Variants in ANO5 observed in about 807,000 individuals in gnomAD.
ANO5 encodes anoctamin-5.
Under a neutral mutation model 121.0 loss-of-function variants are expected in ANO5, and 109 were observed. The ratio of observed to expected loss-of-function variants is 0.90; its 90% CI spans 0.77 to 1.06. The LOEUF (loss-of-function observed/expected upper bound fraction) is 1.06. Ranked by LOEUF, ANO5 falls within the 50% of genes least tolerant of loss-of-function variation. The pLI is 0.00. For synonymous variants in ANO5, 406 were observed against 359.9 expected (o/e 1.13, Z -1.45); for missense variants, 1,064 against 1,078.5 (o/e 0.99, Z 0.19).
chr11:22,229,829 T>C (rs1852979700), intron 7 of ANO5, among the ~76,000 whole-genome samples: 2 of 152,086 alleles, frequency 1.3e-5, no homozygotes, highest in South Asian at 4.1e-4. Flanking sequence ...ACATTGTTCT[T>C]GCTTTATTGA....
intron 8 of ANO5, among the ~76,000 whole-genome samples, chr11:22,236,699 T>C (rs1358287567): frequency 6.6e-6 from 1 of 152,204 alleles, no homozygotes; most frequent in East Asian, 1.9e-4. Context: ...GCTTCAATTA[T>C]ATGTAAAGCA....
chr11:22,227,048 C>A (rs573054687), intron 6 of ANO5, among the ~76,000 whole-genome samples: 2 of 152,188 alleles, frequency 1.3e-5, no homozygotes, highest in East Asian at 1.9e-4. Flanking sequence ...TAGTCTTTCT[C>A]TGCATGTGTC....
At chr11:22,264,888 A>C (rs1470267721) in intron 17 of ANO5, among the ~76,000 whole-genome samples, 1 of 152,170 alleles carries the variant, frequency 6.6e-6, no homozygotes, top group Non-Finnish European at 1.5e-5. Flanking sequence ...AGTGAATTGG[A>C]AAATAATAGT....
In ANO5 at chr11:22,282,035, G is replaced by A. The variant is rs1404648286; in HGVS notation, c.*2270G>A. 1 of 152,052 alleles carries A rather than the reference G, an allele frequency of 6.6e-6. No homozygotes were observed. Among genetic ancestry groups the A allele is most frequent in the African/African-American group, 2.4e-5 (1 of 41,414 alleles). The allele number at this position is 152,052 out of a possible 1,614,324, so 9.4% of individuals were successfully genotyped here. A position where few individuals can be genotyped will look rare whatever the true frequency, so the allele number is the denominator to read the frequency against. On this transcript the variant is annotated 3_prime_UTR_variant, in exon 22 of 22. Transcript: ENST00000324559. ...GAAACCATGCTAACCAAAATCAGTA[G>A]CCAAACCAATTCAGATAGATGTGTC...
At chr11:22,244,110 T>A (rs1005087720) in intron 9 of ANO5, among the ~76,000 whole-genome samples, 2 of 152,074 alleles carry the variant, frequency 1.3e-5, no homozygotes, top group African/African-American at 4.8e-5. Flanking sequence ...TGGTAAAAAA[T>A]TATCTCAGAA....
intron 6 of ANO5, among the ~76,000 whole-genome samples, chr11:22,227,070 C>G (rs1199242999): frequency 6.6e-6 from 1 of 152,048 alleles, no homozygotes; most frequent in Non-Finnish European, 1.5e-5. Flanking sequence ...TTGTATGTCT[C>G]TCTTTCTGTC....
At chr11:22,265,484 A>T (rs1289789202) in intron 17 of ANO5, among the ~76,000 whole-genome samples, 3 of 152,158 alleles carry the variant, frequency 2.0e-5, no homozygotes, top group African/African-American at 7.2e-5. Context: ...TCACAAAGTG[A>T]AAGTACAGGA....
At chr11:22,268,144 T>G (rs974729240) in intron 17 of ANO5, among the ~76,000 whole-genome samples, 1 of 152,232 alleles carries the variant, frequency 6.6e-6, no homozygotes, top group Admixed American at 6.5e-5. Flanking sequence ...TCTGTAGAAC[T>G]GTCTTGGCTA....
intron 14 of ANO5, among the ~76,000 whole-genome samples, chr11:22,258,626 G>A (rs534664051): frequency 2.0e-5 from 3 of 152,210 alleles, no homozygotes; most frequent in South Asian, 2.1e-4. Context: ...GCATATTAGC[G>A]CACTAATGGC....
chr11:22,199,551 A>T (rs956489826), intron 1 of ANO5, among the ~76,000 whole-genome samples: 1 of 152,150 alleles, frequency 6.6e-6, no homozygotes. Context: ...ATTAAAGGAC[A>T]TCTTCTCAAA....
At chr11:22,222,843 T>C (rs1852698880) in intron 5 of ANO5, among the ~76,000 whole-genome samples, 1 of 152,000 alleles carries the variant, frequency 6.6e-6, no homozygotes, top group African/African-American at 2.4e-5. Flanking sequence ...GTGGCAATCA[T>C]ACTTTCCTTC....
intron 18 of ANO5, among the ~76,000 whole-genome samples, chr11:22,270,795 T>A (rs1386171502): frequency 6.6e-6 from 1 of 152,106 alleles, no homozygotes; most frequent in Non-Finnish European, 1.5e-5. Flanking sequence ...AGCTCAAAGA[T>A]AGAATAAGTA....
At chr11:22,245,789 A>T (rs567713439) in intron 9 of ANO5, among the ~76,000 whole-genome samples, 2 of 152,264 alleles carry the variant, frequency 1.3e-5, no homozygotes, top group East Asian at 3.9e-4. Flanking sequence ...GCAGTGTTAA[A>T]AATGTCATTT....
chr11:22,269,577 AAGAAAGAAAG>A (rs937559028), intron 17 of ANO5, among the ~76,000 whole-genome samples: 2 of 147,366 alleles, frequency 1.4e-5, no homozygotes, highest in Non-Finnish European at 3.0e-5. Flanking sequence ...GAAAGAAAAA[AAGAAAGAAAG>A]AGAAAGAAAG....
intron 1 of ANO5, among the ~76,000 whole-genome samples, chr11:22,201,123 T>C (rs767535874): frequency 3.3e-5 from 5 of 152,214 alleles, no homozygotes; most frequent in Non-Finnish European, 7.3e-5. Context: ...TTGTTATACC[T>C]CTTTGCACAG....
At position 22,282,559 on chromosome 11, in the gene ANO5, T is replaced by A. The variant is rs1042007141; in HGVS notation, c.*2794T>A. 4 of 152,164 alleles carry A rather than the reference T, an allele frequency of 2.6e-5. No homozygotes were observed. Among genetic ancestry groups the A allele is most frequent in the African/African-American group, 9.7e-5 (4 of 41,450 alleles). 9.4% of individuals were successfully genotyped at this position (152,164 alleles called of 1,614,324 possible). On this transcript the variant is annotated 3_prime_UTR_variant, in exon 22 of 22. Coordinates refer to ENST00000324559, the MANE Select transcript of ANO5 (RefSeq NM_213599.3). Reference sequence around the variant, plus strand: ...AGGAGTGAGGAAACAGTTATTTCCTTATGAATCCTGTGTGTTTCTTTGGAA... The same window carrying A: ...AGGAGTGAGGAAACAGTTATTTCCTAATGAATCCTGTGTGTTTCTTTGGAA...
chr11:22,208,708 A>G (rs12281250), intron 2 of ANO5, among the ~76,000 whole-genome samples: 1 of 151,966 alleles, frequency 6.6e-6, no homozygotes, highest in Non-Finnish European at 1.5e-5. Context: ...TACTGTGGTT[A>G]TGTAAGATGG....
chr11:22,267,270 T>G (rs2133764852), intron 17 of ANO5, among the ~76,000 whole-genome samples: 1 of 152,018 alleles, frequency 6.6e-6, no homozygotes, highest in South Asian at 2.1e-4. Flanking sequence ...TTTCAAATTC[T>G]AAATATACGT....
rs1268913784 is a variant in ANO5, at chr11:22,257,673, A to G, written c.1333-7A>G. 1 of 1,604,570 alleles carries G rather than the reference A, an allele frequency of 6.2e-7. No homozygotes were observed. The highest frequency in any genetic ancestry group is 1.7e-5 in the Admixed American group (1 of 59,978). ...TGAATTTCTTTGTGATTTCTTCAAT[A>G]TTACAGGAGATGGAACCTTACATGC... On this transcript the variant is annotated splice_region_variant and splice_polypyrimidine_tract_variant and intron_variant, in intron 13 of 21. Coordinates refer to ENST00000324559, the MANE Select transcript of ANO5 (RefSeq NM_213599.3).
Sources: gnomAD v4.1 joint callset for allele counts (sites outside exome capture counted in the v4.1 genomes callset) on GRCh38, gnomAD v4.1.1 for gene constraint, MANE v1.5 for transcripts, NCBI Gene and HGNC (gene_info 2026-07-23, HGNC 2026-07-21) for gene names.